Variants in SLC1A6 observed in about 807,000 individuals in gnomAD.
The protein encoded by SLC1A6 is solute carrier family 1 member 6.
SLC1A6 carries 15 observed loss-of-function variants against 42.1 expected under a neutral mutation model. The observed-to-expected ratio is 0.36, with a 90% CI of 0.24 to 0.55. The LOEUF is 0.55. Among genes scored for constraint, SLC1A6 ranks in the 20% least tolerant of loss-of-function variants. The pLI, the probability that SLC1A6 is intolerant of heterozygous loss-of-function variation, is 0.88. For synonymous variants in SLC1A6, 317 were observed against 319.7 expected, an observed-to-expected ratio of 0.99 and a Z score of 0.09; for missense variants, 542 against 772.5, an observed-to-expected ratio of 0.70 and a Z score of 3.54.
intron 1 of SLC1A6, among the ~76,000 whole-genome samples, chr19:15,002,882 G>A (rs1490533356): frequency 7.4e-6 from 1 of 134,322 alleles, no homozygotes; most frequent in East Asian, 2.6e-4. Flanking sequence ...GGATGCCTGA[G>A]CCATTATTTT....
At chr19:14,971,224 C>T (rs1315519608) in intron 3 of SLC1A6, among the ~76,000 whole-genome samples, 1 of 152,198 alleles carries the variant, frequency 6.6e-6, no homozygotes, top group Middle Eastern at 3.2e-3. Flanking sequence ...ACCCTAGTTG[C>T]AAAAGAGACC....
chr19:14,967,590 G>C (rs12460642), intron 4 of SLC1A6, among the ~76,000 whole-genome samples: 58,855 of 151,936 alleles, frequency 0.39, 11,825 homozygotes, highest in East Asian at 0.6. Flanking sequence ...AGGCTCTTTG[G>C]GGCAATAAGA....
At chr19:14,970,992 T>C (rs561189506) in intron 3 of SLC1A6, among the ~76,000 whole-genome samples, 63 of 152,106 alleles carry the variant, frequency 4.1e-4, no homozygotes, top group African/African-American at 1.5e-3. Context: ...TAGCTGGGCG[T>C]GTTGGTGCGT....
At chr19:14,972,671 C>T in intron 2 of SLC1A6, 35 bp downstream of exon 2, 1 of 1,589,520 alleles carries the variant, frequency 6.3e-7, no homozygotes. Context: ...CCCGCCTTTC[C>T]CTGAAGTCCC....
rs2145222104 is a variant in SLC1A6 at position 14,979,619 on chromosome 19, CCGCCAGGGA to C, written c.-327_-319del. Reference sequence around the variant, plus strand: ...AGCGCCCGGCCGGGGCCGCGGGGACCCGCCAGGGACTGTGCAGCACCGGCGCGGGGACCG... The same window carrying C: ...AGCGCCCGGCCGGGGCCGCGGGGACCCTGTGCAGCACCGGCGCGGGGACCG... On this transcript the variant is annotated 5_prime_UTR_variant, in exon 1 of 10. Coordinates refer to ENST00000594383, the MANE Select transcript of SLC1A6 (RefSeq NM_005071.3). This position sits in a 1 kb window ranked among gnomAD's most constrained non-coding sequence, Gnocchi z 4.2. The C allele has an allele frequency of 6.6e-6, 1 of 150,724 alleles. No homozygotes were observed. Among genetic ancestry groups the C allele is most frequent in the African/African-American group, 2.4e-5 (1 of 40,834 alleles). 9.3% of individuals were successfully genotyped at this position (150,724 alleles called of 1,614,324 possible). A position where few individuals can be genotyped will look rare whatever the true frequency, so the allele number is the denominator to read the frequency against.
chr19:14,984,783 TATC>T (rs1486990788), upstream of SLC1A6, among the ~76,000 whole-genome samples: 1 of 152,270 alleles, frequency 6.6e-6, no homozygotes, highest in Non-Finnish European at 1.5e-5. Context: ...TGTTTGTTAA[TATC>T]ATCACTGATC....
At chr19:14,961,844 C>T (rs1346134427) in intron 6 of SLC1A6, 158 bp downstream of exon 6, 1 of 1,091,594 alleles carries the variant, frequency 9.2e-7, no homozygotes, top group African/African-American at 1.6e-5. Context: ...GAAATCATCC[C>T]AGAAAGACAT....
rs1384162669 is a variant in SLC1A6, at chr19:14,954,236, C to T, written c.1263G>A (p.Thr421=). 6 of 1,614,076 alleles carry T rather than the reference C, an allele frequency of 3.7e-6. No individual in the cohort carries two copies. Among genetic ancestry groups the T allele is most frequent in the Non-Finnish European group, 5.1e-6 (6 of 1,180,050 alleles). ...ITRFVLPVGA[T]VNMDGTALYE... is the part of the protein sequence containing the mutation. ...AGAGGGCAGTGCCATCCATGTTGAC[C>T]GTGGCGCCCACGGGCAGGACGAACC... Residue 421 remains threonine (T), a synonymous_variant, in exon 8 of 10, where the codon ACG becomes ACA. Coordinates refer to ENST00000594383, the MANE Select transcript of SLC1A6 (RefSeq NM_005071.3).
chr19:14,954,112 A>AG, intron 8 of SLC1A6, 23 bp downstream of exon 8: 1 of 1,535,298 alleles, frequency 6.5e-7, no homozygotes, highest in African/African-American at 1.4e-5. Context: ...ACCTGCTGGC[A>AG]GGTCCTACCC....
rs756651366 is a variant in SLC1A6, at chr19:14,962,377, A to G, written c.592-32T>C. The stretch of plus-strand genomic sequence containing the variant: ...TAGAGAGAGATTGCGCCCAGATTCA[A>G]TTCAGCGGATGCATTAGAATCGCCT... On this transcript the variant is annotated intron_variant, in intron 5 of 9. Coordinates refer to ENST00000594383, the MANE Select transcript of SLC1A6 (RefSeq NM_005071.3). The G allele has an allele frequency of 6.4e-5, 98 of 1,523,946 alleles. No individual in the cohort carries two copies. The South Asian group carries it at 1.1e-3, about 16-fold the overall frequency. The allele number at this position is 1,523,946 out of a possible 1,614,324, so 94.4% of individuals were successfully genotyped here.
At position 14,954,522 on chromosome 19, in the gene SLC1A6, G is replaced by A. The variant is rs559866329; in HGVS notation, c.1170-193C>T. On this transcript the variant is annotated intron_variant, in intron 7 of 9. Coordinates refer to ENST00000594383, the MANE Select transcript of SLC1A6 (RefSeq NM_005071.3). The stretch of plus-strand genomic sequence containing the variant: ...TCACATGGGCGGGGCTGAGAACAGG[G>A]GAGGAGTAGGTGAGGCGGGGCTCAG... Among the ~76,000 whole-genome samples, 4 of 152,224 alleles carry A rather than the reference G, an allele frequency of 2.6e-5. No individual in the cohort carries two copies. In the East Asian group the frequency reaches 7.8e-4, roughly 30 times the overall value.
At chr19:14,961,862 T>G (rs2045515111) in intron 6 of SLC1A6, 140 bp downstream of exon 6, 138 of 1,216,992 alleles carry the variant, frequency 1.1e-4, no homozygotes, top group Non-Finnish European at 1.5e-4. Flanking sequence ...CATGAATGAA[T>G]GAGTTGGTGA....
chr19:14,993,805 G>T (rs2045832281), intron 1 of SLC1A6, among the ~76,000 whole-genome samples: 1 of 152,178 alleles, frequency 6.6e-6, no homozygotes, highest in Admixed American at 6.5e-5. Flanking sequence ...AGTGCTTGCA[G>T]ACAGGATGGT....
intron 1 of SLC1A6, among the ~76,000 whole-genome samples, chr19:14,998,103 T>C (rs1284574488): frequency 1.3e-5 from 2 of 152,170 alleles, no homozygotes; most frequent in Non-Finnish European, 2.9e-5. Context: ...ACCAACCATC[T>C]GAATGGACCC....
intron 3 of SLC1A6, among the ~76,000 whole-genome samples, chr19:14,969,679 A>C (rs2045615294): frequency 6.6e-6 from 1 of 152,182 alleles, no homozygotes; most frequent in African/African-American, 2.4e-5. Context: ...GCTTCTAGGA[A>C]ACCCAACCTA....
chr19:14,962,121 C>G lies in SLC1A6; in HGVS notation c.816G>C (p.Val272=), dbSNP rs771395995. 1.9e-6 allele frequency: 3 copies of G among 1,614,190 alleles called. No homozygotes were observed. The highest frequency in any genetic ancestry group is 2.5e-6 in the Non-Finnish European group (3 of 1,180,026). The change falls in exon 6 of 10, where the codon GTG becomes GTC. Residue 272 remains valine, a synonymous_variant. Transcript: ENST00000594383. ...CCAGCCCAAAGGCCACAGAGAAGACCACGAGGCCCAGGGCGTTGATGCCAT... is the reference window on the plus strand; with the variant it reads ...CCAGCCCAAAGGCCACAGAGAAGACGACGAGGCCCAGGGCGTTGATGCCAT... ...SANGINALGL[V]VFSVAFGLVI... is the part of the protein sequence containing the mutation.
chr19:14,982,782 T>C (rs2045774466), upstream of SLC1A6, among the ~76,000 whole-genome samples: 1 of 152,242 alleles, frequency 6.6e-6, no homozygotes, highest in Non-Finnish European at 1.5e-5. Context: ...CTTTTCTTTA[T>C]ATAGGTTATA....
rs191539002 is a variant in SLC1A6 at position 14,967,010 on chromosome 19, G to A, written c.548+1293C>T. 1.1e-3 allele frequency among the ~76,000 whole-genome samples: 172 copies of A among 152,124 alleles called. 1 individual carries two copies. In the South Asian group the frequency reaches 0.011, roughly 10 times the overall value. ...GTATACTTATGTAAGAAACCTGCAC[G>A]TTCTGCACATGTATCCCAGAACTTA... On this transcript the variant is annotated intron_variant, in intron 4 of 9. Transcript: ENST00000594383.
intron 1 of SLC1A6, chr19:14,973,264 A>C: frequency 4.3e-6 from 1 of 232,410 alleles, no homozygotes; most frequent in Non-Finnish European, 8.3e-6. Flanking sequence ...CCCTCCAAAA[A>C]AGCACAAAGG....
Sources: allele counts gnomAD v4.1 joint callset (sites outside exome capture counted in the v4.1 genomes callset), GRCh38; gene constraint gnomAD v4.1.1; non-coding constraint Gnocchi (gnomAD v3.1); transcripts MANE v1.5; gene names NCBI Gene and HGNC (gene_info 2026-07-23, HGNC 2026-07-21).